The following PLCL1 variants were observed in gnomAD, a reference collection of about 807,000 sequenced individuals.
PLCL1 encodes the protein inactive phospholipase C-like protein 1.
A neutral mutation model predicts 84.4 loss-of-function variants in PLCL1; 41 were observed. The observed-to-expected ratio is 0.49, with a 90% CI of 0.38 to 0.63. PLCL1 has a LOEUF of 0.63. Among genes scored for constraint, PLCL1 ranks in the 30% least tolerant of loss-of-function variants. The probability of loss-of-function intolerance (pLI) is 0.00; values close to 1 mark genes in which losing one functional copy is unlikely to be tolerated. For synonymous variants in PLCL1, 490 were observed against 488.3 expected (o/e 1.00, Z -0.05); for missense variants, 1,206 against 1,367.8 (o/e 0.88, Z 1.87).
At chr2:197,864,928 T>C (rs1425826267) in intron 1 of PLCL1, among the ~76,000 whole-genome samples, 1 of 152,216 alleles carries the variant, frequency 6.6e-6, no homozygotes. Flanking sequence ...TGAATGCTCT[T>C]AATACTAATT....
At chr2:197,933,102 T>TA (rs1487756305) in intron 1 of PLCL1, among the ~76,000 whole-genome samples, 1 of 152,212 alleles carries the variant, frequency 6.6e-6, no homozygotes, top group Non-Finnish European at 1.5e-5. Context: ...AAGAGAATTT[T>TA]AAAAAATTTC....
chr2:198,113,119 A>C (rs745569670), intron 5 of PLCL1, among the ~76,000 whole-genome samples: 26 of 151,916 alleles, frequency 1.7e-4, no homozygotes, highest in Non-Finnish European at 3.5e-4. Flanking sequence ...ATCTGAAAAG[A>C]TACTCCTAGA....
At chr2:197,931,743 A>G (rs925134014) in intron 1 of PLCL1, among the ~76,000 whole-genome samples, 4 of 141,342 alleles carry the variant, frequency 2.8e-5, no homozygotes, top group African/African-American at 7.9e-5. Context: ...TAACCTTTTC[A>G]TAGGACAGAG....
At chr2:198,028,609 T>G (rs1356711927) in intron 1 of PLCL1, among the ~76,000 whole-genome samples, 1 of 152,224 alleles carries the variant, frequency 6.6e-6, no homozygotes, top group Admixed American at 6.5e-5. Flanking sequence ...ATCCTTAATG[T>G]GACATTGGAA....
At chr2:197,944,169 C>T (rs370437559) in intron 1 of PLCL1, among the ~76,000 whole-genome samples, 29 of 152,178 alleles carry the variant, frequency 1.9e-4, no homozygotes, top group African/African-American at 4.8e-4. Context: ...ACAAGTTAGC[C>T]GGATTTTTCA....
chr2:197,899,781 G>A (rs1688227672), intron 1 of PLCL1, among the ~76,000 whole-genome samples: 1 of 151,294 alleles, frequency 6.6e-6, no homozygotes, highest in African/African-American at 2.4e-5. Context: ...GACTACAGGC[G>A]CCCGCTACCA....
chr2:197,981,643 A>G (rs1231536949), intron 1 of PLCL1, among the ~76,000 whole-genome samples: 1 of 152,158 alleles, frequency 6.6e-6, no homozygotes, highest in East Asian at 1.9e-4. Context: ...GTGATGGCTA[A>G]AGGGAGGGAG....
chr2:197,974,880 G>A (rs893977135), intron 1 of PLCL1, among the ~76,000 whole-genome samples: 8 of 152,104 alleles, frequency 5.3e-5, no homozygotes, highest in African/African-American at 1.7e-4. Flanking sequence ...AGTGGCTCAC[G>A]CCTGTAATCC....
intron 1 of PLCL1, among the ~76,000 whole-genome samples, chr2:197,910,306 T>C (rs559879346): frequency 6.6e-6 from 1 of 152,358 alleles, no homozygotes; most frequent in South Asian, 2.1e-4. Flanking sequence ...GGTTTCATCT[T>C]CTGTAAAACT....
At chr2:198,116,758 T>C (rs1693758082) in intron 5 of PLCL1, among the ~76,000 whole-genome samples, 1 of 151,824 alleles carries the variant, frequency 6.6e-6, no homozygotes, top group South Asian at 2.1e-4. Context: ...AGCTCCAGGG[T>C]TTCAGAGACA....
At chr2:197,836,100 G>A (rs1034009322) in intron 1 of PLCL1, among the ~76,000 whole-genome samples, 3 of 152,124 alleles carry the variant, frequency 2.0e-5, no homozygotes, top group Non-Finnish European at 4.4e-5. Context: ...AGAAAGCAAA[G>A]TAATGATTTA....
chr2:197,923,275 C>T (rs1664596326), intron 1 of PLCL1, among the ~76,000 whole-genome samples: 1 of 148,978 alleles, frequency 6.7e-6, no homozygotes, highest in East Asian at 2.0e-4. Context: ...CCACCTCCCT[C>T]CCGGACGGGG....
intron 3 of PLCL1, among the ~76,000 whole-genome samples, chr2:198,091,629 G>T: frequency 6.6e-6 from 1 of 151,374 alleles, no homozygotes; most frequent in African/African-American, 2.4e-5. Context: ...GCAGTGAGCC[G>T]AGACTGCGCC....
intron 1 of PLCL1, among the ~76,000 whole-genome samples, chr2:197,809,339 G>C (rs1690538518): frequency 6.6e-6 from 1 of 152,156 alleles, no homozygotes; most frequent in African/African-American, 2.4e-5. Flanking sequence ...TTGTGCTCTT[G>C]GGCTGGTTCT....
chr2:197,981,402 GCTCA>G (rs1690102089), intron 1 of PLCL1, among the ~76,000 whole-genome samples: 1 of 152,150 alleles, frequency 6.6e-6, no homozygotes, highest in African/African-American at 2.4e-5. Context: ...TACTTTATCT[GCTCA>G]CTCAATCAGA....
intron 5 of PLCL1, among the ~76,000 whole-genome samples, chr2:198,121,450 C>T (rs1158827286): frequency 8.6e-5 from 13 of 151,832 alleles, no homozygotes; most frequent in African/African-American, 2.4e-5. Context: ...AGTTTGAGGG[C>T]TTATATTTAA....
At chr2:197,958,164 T>A in intron 1 of PLCL1, among the ~76,000 whole-genome samples, 1 of 152,184 alleles carries the variant, frequency 6.6e-6, no homozygotes, top group African/African-American at 2.4e-5. Context: ...ACATATGAGT[T>A]AATTAGCCTT....
chr2:197,921,553 T>TTAAA (rs143849510), intron 1 of PLCL1, among the ~76,000 whole-genome samples: 38 of 152,220 alleles, frequency 2.5e-4, no homozygotes, highest in Admixed American at 1.2e-3. Context: ...CAAATCAAAT[T>TTAAA]TAAATAAATA....
At chr2:198,035,287 G>C (rs1225321699) in intron 1 of PLCL1, among the ~76,000 whole-genome samples, 1 of 152,206 alleles carries the variant, frequency 6.6e-6, no homozygotes, top group Non-Finnish European at 1.5e-5. Context: ...TAGCTATGTA[G>C]ATCAATCTAA....
Sources: allele counts gnomAD v4.1 joint callset (sites outside exome capture counted in the v4.1 genomes callset), GRCh38; gene constraint gnomAD v4.1.1; transcripts MANE v1.5; gene names NCBI Gene and HGNC (gene_info 2026-07-23, HGNC 2026-07-21).